The following NFAT5 variants were observed in gnomAD, a reference collection of about 807,000 sequenced individuals.
The protein encoded by NFAT5 is nuclear factor of activated T-cells 5.
Under a neutral mutation model 166.5 loss-of-function variants are expected in NFAT5, and 31 were observed. The ratio of observed to expected loss-of-function variants is 0.19; its 90% CI spans 0.14 to 0.25. The LOEUF (loss-of-function observed/expected upper bound fraction) is 0.25, where lower values mean the gene tolerates loss of function less well. Ranked by LOEUF, NFAT5 falls within the 10% of genes least tolerant of loss-of-function variation. NFAT5 has a pLI of 1.00. For missense variants in NFAT5, 1,449 were observed against 1,821.8 expected, an observed-to-expected ratio of 0.80 and a Z score of 3.72; for synonymous variants, 612 against 639.7, an observed-to-expected ratio of 0.96 and a Z score of 0.65.
At chr16:69,639,610 A>T (rs1387554050) in intron 3 of NFAT5, among the ~76,000 whole-genome samples, 1 of 152,202 alleles carries the variant, frequency 6.6e-6, no homozygotes, top group East Asian at 1.9e-4. Flanking sequence ...TATACAAAGT[A>T]GCATGTATCA....
At chr16:69,587,180 C>T (rs1161020828) in intron 2 of NFAT5, among the ~76,000 whole-genome samples, 1 of 150,752 alleles carries the variant, frequency 6.6e-6, no homozygotes, top group Non-Finnish European at 1.5e-5. Context: ...CCTCCAGGTT[C>T]AATTGATTCT....
At chr16:69,625,526 A>G (rs919165634) in intron 2 of NFAT5, among the ~76,000 whole-genome samples, 2 of 149,716 alleles carry the variant, frequency 1.3e-5, no homozygotes, top group South Asian at 2.1e-4. Flanking sequence ...TTGAGCCATA[A>G]CATTCCTTTT....
Position 69,670,109 on chromosome 16 carries a change from C to T in NFAT5, c.1502C>T (p.Ser501Phe). 1.2e-6 allele frequency: 2 copies of T among 1,610,658 alleles called. No individual in the cohort carries two copies. Among genetic ancestry groups the T allele is most frequent in the East Asian group, 2.2e-5 (1 of 44,732 alleles). ...AAAGTTATTTTCCAAGAAAATGTTTCTGGTAAGTACGCATATTTGTGGTAC... is the reference window on the plus strand; with the variant it reads ...AAAGTTATTTTCCAAGAAAATGTTTTTGGTAAGTACGCATATTTGTGGTAC... Reference protein sequence around the residue: ...GTKVIFQENVSDENSWKSEAE... With the variant: ...GTKVIFQENVFDENSWKSEAE... The change falls in exon 8 of 15, where the codon TCT (serine) becomes TTT (phenylalanine). Residue 501 changes from serine (S) to phenylalanine (F), a missense_variant and splice_region_variant. By Grantham distance (155) the Ser-to-Phe change is radical. Transcript: ENST00000349945.
chr16:69,675,071 G>A (rs529580901), intron 9 of NFAT5, among the ~76,000 whole-genome samples: 59 of 152,294 alleles, frequency 3.9e-4, no homozygotes, highest in Non-Finnish European at 6.9e-4. Flanking sequence ...CAGATCAGTT[G>A]TAGAATTTCT....
intron 2 of NFAT5, among the ~76,000 whole-genome samples, chr16:69,615,404 G>A (rs2033897554): frequency 6.6e-6 from 1 of 151,996 alleles, no homozygotes; most frequent in African/African-American, 2.4e-5. Flanking sequence ...CTTACCTTTA[G>A]CAAAACAAGA....
Position 69,647,358 on chromosome 16 carries a change from A to T in NFAT5, c.584A>T (p.Glu195Val), listed in dbSNP as rs1401252764. 6.2e-7 allele frequency: 1 copy of T among 1,614,178 alleles called. No homozygotes were observed. Among genetic ancestry groups the T allele is most frequent in the Non-Finnish European group, 8.5e-7 (1 of 1,180,032 alleles). ...ESEQSCSMWMEDSPSNFSNMS... is the reference protein window; with the variant it reads ...ESEQSCSMWMVDSPSNFSNMS... The stretch of plus-strand genomic sequence containing the variant: ...GAGCAGAGCTGCAGTATGTGGATGG[A>T]GGATTCCCCCTCCAACTTCAGTAAC... Residue 195 changes from glutamate (E) to valine (V), a missense_variant, in exon 4 of 15, where the codon GAG (glutamate) becomes GTG (valine). Physicochemically the swap from Glu to Val is moderately radical, Grantham distance 121. Around this residue, in one of 7 missense-constraint regions of NFAT5, gnomAD observed 115 missense variants for 177.1 expected, o/e 0.65. Transcript: ENST00000349945. The surrounding 1 kb of genome is among the most constrained non-coding windows in gnomAD (Gnocchi z 4.8).
intron 6 of NFAT5, 29 bp downstream of exon 6, chr16:69,655,828 T>C (rs764138504): frequency 1.9e-6 from 3 of 1,565,932 alleles, no homozygotes; most frequent in Middle Eastern, 1.7e-4. Context: ...TTTTTCATTA[T>C]ACATTACACT....
chr16:69,680,687 G>A (rs1381421385), intron 10 of NFAT5, among the ~76,000 whole-genome samples: 1 of 152,092 alleles, frequency 6.6e-6, no homozygotes, highest in African/African-American at 2.4e-5. Flanking sequence ...ACAATCTAAT[G>A]TCTTAGCTTC....
At chr16:69,629,667 G>C (rs1392634507) in intron 3 of NFAT5, among the ~76,000 whole-genome samples, 1 of 151,592 alleles carries the variant, frequency 6.6e-6, no homozygotes, top group Non-Finnish European at 1.5e-5. Context: ...CTAGGCTGGA[G>C]TGCGAGGTGC....
intron 2 of NFAT5, among the ~76,000 whole-genome samples, chr16:69,609,954 A>C (rs1237888600): frequency 6.6e-6 from 1 of 152,018 alleles, no homozygotes; most frequent in Admixed American, 6.6e-5. Context: ...TGCAATGAGC[A>C]ATGATTGTGC....
At chr16:69,623,813 C>CT (rs1289989433) in intron 2 of NFAT5, among the ~76,000 whole-genome samples, 1 of 123,016 alleles carries the variant, frequency 8.1e-6, no homozygotes, top group Non-Finnish European at 1.7e-5. Flanking sequence ...GGCCTCAAGT[C>CT]TTTTTTTTTC....
chr16:69,608,386 A>G (rs1430754034), intron 2 of NFAT5, among the ~76,000 whole-genome samples: 1 of 151,612 alleles, frequency 6.6e-6, no homozygotes, highest in Non-Finnish European at 1.5e-5. Context: ...CCTTTCCAGT[A>G]CTCTGCATTG....
At chr16:69,579,273 G>A (rs1412053688) in intron 2 of NFAT5, among the ~76,000 whole-genome samples, 2 of 152,106 alleles carry the variant, frequency 1.3e-5, no homozygotes, top group Admixed American at 6.6e-5. Flanking sequence ...TTGGGCTAAC[G>A]TAGGGTGAAT....
intron 10 of NFAT5, among the ~76,000 whole-genome samples, chr16:69,677,944 G>A (rs2036897549): frequency 6.6e-6 from 1 of 151,980 alleles, no homozygotes; most frequent in African/African-American, 2.4e-5. Context: ...CCTGAGGTCA[G>A]GGGTTTGAGA....
intron 5 of NFAT5, among the ~76,000 whole-genome samples, chr16:69,654,618 AT>A (rs1597478400): frequency 6.6e-6 from 1 of 152,238 alleles, no homozygotes; most frequent in African/African-American, 2.4e-5. Flanking sequence ...AGTTAGAAGT[AT>A]TGTTAGATTA....
In NFAT5 at chr16:69,690,922, G is replaced by A. The variant is rs377188619; in HGVS notation, c.1775-18G>A. ...TTTGTGATTTTAAACTTTTCTTTTTGTGTGTGTGTATATGCAGCAATGAAA... is the reference window on the plus strand; with the variant it reads ...TTTGTGATTTTAAACTTTTCTTTTTATGTGTGTGTATATGCAGCAATGAAA... On this transcript the variant is annotated intron_variant, in intron 11 of 14. Coordinates refer to ENST00000349945, the MANE Select transcript of NFAT5 (RefSeq NM_138713.4). 1.4e-6 allele frequency: 2 copies of A among 1,443,938 alleles called. No homozygotes were observed. Among genetic ancestry groups the A allele is most frequent in the Non-Finnish European group, 1.8e-6 (2 of 1,090,266 alleles). 89.4% of individuals were successfully genotyped at this position (1,443,938 alleles called of 1,614,324 possible).
In NFAT5 at chr16:69,578,328, A is replaced by G. The variant is rs562401571; in HGVS notation, c.127+9780A>G. ...AGAATATGAGTTTTTGGTCCCTTAC[A>G]AGTGAGTACTATCTTGTGCTTAACT... On this transcript the variant is annotated intron_variant, in intron 2 of 14. Transcript: ENST00000349945. Among the ~76,000 whole-genome samples, 11 of 152,344 alleles carry G rather than the reference A, an allele frequency of 7.2e-5. No homozygotes were observed. The South Asian group carries it at 2.1e-3, about 29-fold the overall frequency.
chr16:69,604,135 C>G (rs1267753058), intron 2 of NFAT5, among the ~76,000 whole-genome samples: 1 of 152,016 alleles, frequency 6.6e-6, no homozygotes, highest in African/African-American at 2.4e-5. Flanking sequence ...AGTAACTTGT[C>G]CAGGGGCACA....
intron 2 of NFAT5, among the ~76,000 whole-genome samples, chr16:69,574,350 T>C (rs1375774509): frequency 6.6e-6 from 1 of 152,212 alleles, no homozygotes; most frequent in Non-Finnish European, 1.5e-5. Flanking sequence ...TATTATTGTC[T>C]TTTCTTGCTG....
Sources: gnomAD v4.1 joint callset for allele counts (sites outside exome capture counted in the v4.1 genomes callset) on GRCh38, gnomAD v4.1.1 for gene constraint, gnomAD v4.1.1 regional missense constraint, Gnocchi (gnomAD v3.1) non-coding constraint, MANE v1.5 for transcripts, NCBI Gene and HGNC (gene_info 2026-07-23, HGNC 2026-07-21) for gene names.